The following DLG4 variants were observed in gnomAD, a reference collection of about 807,000 sequenced individuals.
The protein encoded by DLG4 is disks large homolog 4.
Under a neutral mutation model 93.8 loss-of-function variants are expected in DLG4, and 7 were observed. That is an observed-to-expected ratio of 0.07 (90% CI 0.04 to 0.14). The LOEUF (loss-of-function observed/expected upper bound fraction) is 0.14, where lower values mean the gene tolerates loss of function less well. Ranked by LOEUF, DLG4 falls within the 10% of genes least tolerant of loss-of-function variation. The pLI is 1.00. For synonymous variants in DLG4, 341 were observed against 387.6 expected (o/e 0.88, Z 1.41); for missense variants, 545 against 992.9 (o/e 0.55, Z 6.06).
chr17:7,216,514 C>T (rs1354328838), intron 1 of DLG4, among the ~76,000 whole-genome samples: 3 of 152,112 alleles, frequency 2.0e-5, no homozygotes, highest in Non-Finnish European at 4.4e-5. Flanking sequence ...CAACTTCCAA[C>T]TACCTCCATT....
upstream of DLG4, chr17:7,218,557 G>A (rs1419567436): frequency 3.8e-6 from 6 of 1,562,128 alleles, no homozygotes; most frequent in South Asian, 3.5e-5. Flanking sequence ...AGGCCTGGAA[G>A]AGGTCGCTAT....
rs1567799104 is a variant in DLG4 at position 7,189,359 on chromosome 17, GT to G, written c.*1348del. Among the ~76,000 whole-genome samples, 2 of 151,596 alleles carry G rather than the reference GT, an allele frequency of 1.3e-5. No homozygotes were observed. Among genetic ancestry groups the G allele is most frequent in the African/African-American group, 4.9e-5 (2 of 41,232 alleles). On this transcript the variant is annotated 3_prime_UTR_variant, in exon 20 of 20. Transcript: ENST00000399506. ...ACAAAATTAGCCAGGCATGGTGGCA[GT>G]AATCTGTAATCCCAGCTACTCAGGG... is the stretch of plus-strand genomic sequence containing the variant.
Position 7,191,886 on chromosome 17 carries a change from TACTC to T in DLG4, c.1976+3_1976+6del. On this transcript the variant is annotated splice_donor_5th_base_variant and intron_variant, in intron 18 of 19. Coordinates refer to ENST00000399506, the MANE Select transcript of DLG4 (RefSeq NM_001321075.3). This position sits in a 1 kb window ranked among gnomAD's most constrained non-coding sequence, Gnocchi z 6.6. ...AGCAAAGGGGAGGCCCCCAGGACCA[TACTC>T]ACAGCACATTCTCCAGGGAGCGGGG... is the stretch of plus-strand genomic sequence containing the variant. 1 of 1,459,216 alleles carries T rather than the reference TACTC, an allele frequency of 6.9e-7. No homozygotes were observed. The highest frequency in any genetic ancestry group is 9.1e-7 in the Non-Finnish European group (1 of 1,102,358). 90.4% of individuals were successfully genotyped at this position (1,459,216 alleles called of 1,614,324 possible).
chr17:7,193,633 A>G lies in DLG4; in HGVS notation c.1591+34T>C. On this transcript the variant is annotated intron_variant, in intron 15 of 19. Coordinates refer to ENST00000399506, the MANE Select transcript of DLG4 (RefSeq NM_001321075.3). The surrounding 1 kb of genome is among the most constrained non-coding windows in gnomAD (Gnocchi z 6.7). ...CCGAGCGCAGGGTTGGGGGAGCAGC[A>G]AGTGCTGGGGCCAAGGCAGGGGCCA... The G allele has an allele frequency of 6.5e-7, 1 of 1,530,806 alleles. No homozygotes were observed. Among genetic ancestry groups the G allele is most frequent in the Non-Finnish European group, 8.8e-7 (1 of 1,141,402 alleles). The allele number at this position is 1,530,806 out of a possible 1,614,324, so 94.8% of individuals were successfully genotyped here. A position where few individuals can be genotyped will look rare whatever the true frequency, so the allele number is the denominator to read the frequency against.
Position 7,188,861 on chromosome 17 carries a change from T to C in DLG4, c.*1847A>G, listed in dbSNP as rs1383129295. Among the ~76,000 whole-genome samples, 3 of 151,986 alleles carry C rather than the reference T, an allele frequency of 2.0e-5. No individual in the cohort carries two copies. The highest frequency in any genetic ancestry group is 4.4e-5 in the Non-Finnish European group (3 of 67,994). On this transcript the variant is annotated 3_prime_UTR_variant, in exon 20 of 20. Coordinates refer to ENST00000399506, the MANE Select transcript of DLG4 (RefSeq NM_001321075.3). ...GCGTAGTGGCTCATGCCTGTAATCT[T>C]AACACTGTGGGAGGCCAAGCTGGGC...
Position 7,194,390 on chromosome 17 carries a change from C to G in DLG4, c.1407G>C (p.Glu469Asp), listed in dbSNP as rs1373353530. ...VLHVIDASDEEWWQARRVHSD... is the reference protein window; with the variant it reads ...VLHVIDASDEDWWQARRVHSD... ...AGTGGACCCGCCGTGCCTGCCACCA[C>G]TCCTCATCACTAGCATCGATGACAT... is the stretch of plus-strand genomic sequence containing the variant. Residue 469 changes from glutamate to aspartate, a missense_variant, in exon 12 of 20, where the codon GAG (glutamate) becomes GAC (aspartate). By Grantham distance (45) the Glu-to-Asp change is conservative (BLOSUM62 2). Transcript: ENST00000399506. This position sits in a 1 kb window ranked among gnomAD's most constrained non-coding sequence, Gnocchi z 4.4. 2 of 1,613,048 alleles carry G rather than the reference C, an allele frequency of 1.2e-6. No individual in the cohort carries two copies. Among genetic ancestry groups the G allele is most frequent in the Admixed American group, 1.7e-5 (1 of 59,872 alleles).
chr17:7,196,645 G>T lies in DLG4; in HGVS notation c.1084-70C>A, dbSNP rs1033719744. On this transcript the variant is annotated intron_variant, in intron 9 of 19. Transcript: ENST00000399506. The surrounding 1 kb of genome is among the most constrained non-coding windows in gnomAD (Gnocchi z 8.3). The stretch of plus-strand genomic sequence containing the variant: ...CACTTCTGGGTCCAGGTGGAGCAGG[G>T]AGTGGTCCCGCAAGAGGACTCGGCT... The T allele has an allele frequency of 1.9e-6, 3 of 1,594,800 alleles. No individual in the cohort carries two copies. Among genetic ancestry groups the T allele is most frequent in the Non-Finnish European group, 2.6e-6 (3 of 1,166,968 alleles).
intron 17 of DLG4, chr17:7,192,311 G>A (rs1291138515): frequency 3.8e-5 from 14 of 371,956 alleles, no homozygotes; most frequent in African/African-American, 1.7e-4. Context: ...GGGCAGCAGC[G>A]AGTGGGGCGG....
chr17:7,193,590 G>A lies in DLG4; in HGVS notation c.1592-6C>T. ...GATGGGGCGAGCATAGTGCACTGCA[G>A]AGAGAGCCTGGCTTAGGCCGAGCGC... On this transcript the variant is annotated splice_region_variant and splice_polypyrimidine_tract_variant and intron_variant, in intron 15 of 19. Transcript: ENST00000399506. This position sits in a 1 kb window ranked among gnomAD's most constrained non-coding sequence, Gnocchi z 6.7. 2 of 1,525,038 alleles carry A rather than the reference G, an allele frequency of 1.3e-6. No homozygotes were observed. Among genetic ancestry groups the A allele is most frequent in the South Asian group, 2.6e-5 (2 of 75,616 alleles). The allele number at this position is 1,525,038 out of a possible 1,614,324, so 94.5% of individuals were successfully genotyped here. A position where few individuals can be genotyped will look rare whatever the true frequency, so the allele number is the denominator to read the frequency against.
In DLG4 at chr17:7,189,153, C is replaced by CT. The variant is rs1354355816; in HGVS notation, c.*1554dup. On this transcript the variant is annotated 3_prime_UTR_variant, in exon 20 of 20. Coordinates refer to ENST00000399506, the MANE Select transcript of DLG4 (RefSeq NM_001321075.3). Reference sequence around the variant, plus strand: ...GGGTGGGGGGGGCGCATAAAGAAACCTAGCGTATATTCACACAGCAGTTCT... The same window carrying CT: ...GGGTGGGGGGGGCGCATAAAGAAACCTTAGCGTATATTCACACAGCAGTTCT... Among the ~76,000 whole-genome samples, 1 of 150,080 alleles carries CT rather than the reference C, an allele frequency of 6.7e-6. No individual in the cohort carries two copies. The highest frequency in any genetic ancestry group is 1.5e-5 in the Non-Finnish European group (1 of 67,644).
At chr17:7,218,581 G>GAGTGGGGGTGCCCACCGCAGC (rs1567556878), upstream of DLG4, 1 of 1,566,474 alleles carries the variant, frequency 6.4e-7, no homozygotes, top group Non-Finnish European at 8.7e-7. Flanking sequence ...GCACTGTGAG[G>GAGTGGGGGTGCCCACCGCAGC]AGTGGGGGTG....
At chr17:7,199,332 T>A (rs1427286707) in intron 8 of DLG4, among the ~76,000 whole-genome samples, 9 of 151,984 alleles carry the variant, frequency 5.9e-5, no homozygotes, top group Non-Finnish European at 1.5e-5. Flanking sequence ...CTCCAGCAGC[T>A]AGGATTACAG....
rs1367070958 is a variant in DLG4 at position 7,189,363 on chromosome 17, T to TGC, written c.*1344_*1345insGC. 1.3e-4 allele frequency among the ~76,000 whole-genome samples: 20 copies of TGC among 149,588 alleles called. No individual in the cohort carries two copies. Among genetic ancestry groups the TGC allele is most frequent in the South Asian group, 2.1e-4 (1 of 4,730 alleles). ...AATTAGCCAGGCATGGTGGCAGTAATCTGTAATCCCAGCTACTCAGGGGGC... is the reference window on the plus strand; with the variant it reads ...AATTAGCCAGGCATGGTGGCAGTAATGCCTGTAATCCCAGCTACTCAGGGGGC... On this transcript the variant is annotated 3_prime_UTR_variant, in exon 20 of 20. Transcript: ENST00000399506.
Position 7,208,253 on chromosome 17 carries a change from C to T in DLG4, c.31-14G>A. The T allele has an allele frequency of 2.3e-6, 3 of 1,312,006 alleles. No homozygotes were observed. The highest frequency in any genetic ancestry group is 2.0e-6 in the Non-Finnish European group (2 of 1,021,576). 81.3% of individuals were successfully genotyped at this position (1,312,006 alleles called of 1,614,324 possible). A position where few individuals can be genotyped will look rare whatever the true frequency, so the allele number is the denominator to read the frequency against. On this transcript the variant is annotated splice_polypyrimidine_tract_variant and intron_variant, in intron 1 of 19. Transcript: ENST00000399506. This position sits in a 1 kb window ranked among gnomAD's most constrained non-coding sequence, Gnocchi z 5.4. ...GTAGCGGTATTTCTGGGGATGGGGA[C>T]GGAGGTGTCACTGGGGCCAGCCCGG... is the stretch of plus-strand genomic sequence containing the variant.
Position 7,189,404 on chromosome 17 carries a change from A to G in DLG4, c.*1304T>C, listed in dbSNP as rs11657889. On this transcript the variant is annotated 3_prime_UTR_variant, in exon 20 of 20. Transcript: ENST00000399506. The stretch of plus-strand genomic sequence containing the variant: ...CTCAGGGGGCTGAGGCAGGAGAATC[A>G]CTTGAACCAGGGTGGCAGAGATCAC... Among the ~76,000 whole-genome samples the G allele has an allele frequency of 5.6e-3, 846 of 151,334 alleles. 7 individuals are homozygous for G. Among genetic ancestry groups the G allele is most frequent in the Admixed American group, 9.7e-3 (147 of 15,178 alleles).
intron 8 of DLG4, among the ~76,000 whole-genome samples, chr17:7,202,313 C>T (rs1597468081): frequency 6.6e-6 from 1 of 152,304 alleles, no homozygotes; most frequent in East Asian, 1.9e-4. Context: ...AATCCTCCCA[C>T]TTTGGCCTCC....
At chr17:7,214,007 G>C (rs748361369) in intron 1 of DLG4, 14 of 367,148 alleles carry the variant, frequency 3.8e-5, no homozygotes, top group Non-Finnish European at 7.3e-5. Flanking sequence ...GGCCCATAAA[G>C]ACCCTTCCCC....
chr17:7,217,899 C>CCT (rs1310028070), upstream of DLG4: 3 of 1,369,034 alleles, frequency 2.2e-6, no homozygotes, highest in South Asian at 2.5e-5. Context: ...GGGAGGGAGG[C>CCT]CTCTCGGCAG....
At chr17:7,206,509 C>A (rs953050278) in intron 2 of DLG4, among the ~76,000 whole-genome samples, 5 of 152,052 alleles carry the variant, frequency 3.3e-5, no homozygotes, top group Non-Finnish European at 7.4e-5. Context: ...GTACTAACTA[C>A]CACCCCTCAG....
Sources: gnomAD v4.1 joint callset for allele counts (sites outside exome capture counted in the v4.1 genomes callset) on GRCh38, gnomAD v4.1.1 for gene constraint, Gnocchi (gnomAD v3.1) non-coding constraint, MANE v1.5 for transcripts, NCBI Gene and HGNC (gene_info 2026-07-23, HGNC 2026-07-21) for gene names.